LRRTM4: variants seen among roughly 807,000 people sequenced by gnomAD.
The protein encoded by LRRTM4 is leucine rich repeat transmembrane neuronal 4.
A neutral mutation model predicts 47.6 loss-of-function variants in LRRTM4; 25 were observed. That is an observed-to-expected ratio of 0.53 (90% confidence interval 0.38 to 0.73). LRRTM4 has a LOEUF of 0.73. LRRTM4 is among the 30% of genes least tolerant of loss of function. The pLI is 0.00. For synonymous variants in LRRTM4, 311 were observed against 269.5 expected, an observed-to-expected ratio of 1.15 and a Z score of -1.51; for missense variants, 638 against 713.4, an observed-to-expected ratio of 0.89 and a Z score of 1.20.
chr2:76,793,911 T>A (rs536765141), intron 3 of LRRTM4, among the ~76,000 whole-genome samples: 2 of 152,176 alleles, frequency 1.3e-5, no homozygotes, highest in African/African-American at 4.8e-5. Context: ...GGGACAGTAA[T>A]TGCTTCTATG....
At chr2:77,355,960 G>A (rs972629704) in intron 3 of LRRTM4, among the ~76,000 whole-genome samples, 1 of 152,142 alleles carries the variant, frequency 6.6e-6, no homozygotes. Context: ...GGGCATTATG[G>A]CATGTGCCTG....
intron 3 of LRRTM4, among the ~76,000 whole-genome samples, chr2:77,223,484 T>G (rs1674706596): frequency 6.6e-6 from 1 of 152,182 alleles, no homozygotes; most frequent in South Asian, 2.1e-4. Flanking sequence ...CAAAATCTCC[T>G]TAAGCTGATA....
chr2:77,433,840 A>T, intron 3 of LRRTM4, among the ~76,000 whole-genome samples: 1 of 152,216 alleles, frequency 6.6e-6, no homozygotes, highest in East Asian at 1.9e-4. Context: ...GAGCTGGGGC[A>T]TGAGAAACAT....
intron 3 of LRRTM4, among the ~76,000 whole-genome samples, chr2:76,911,264 C>G (rs912586466): frequency 2.6e-5 from 4 of 152,120 alleles, no homozygotes; most frequent in African/African-American, 9.7e-5. Flanking sequence ...TAAAAAGATG[C>G]TAACCTCATC....
At chr2:76,974,141 C>CAT (rs903329787) in intron 3 of LRRTM4, among the ~76,000 whole-genome samples, 1 of 82,380 alleles carries the variant, frequency 1.2e-5, no homozygotes, top group Non-Finnish European at 2.3e-5. Context: ...CATATATATA[C>CAT]ATATATATAC....
At chr2:77,084,216 T>C (rs72807235) in intron 3 of LRRTM4, among the ~76,000 whole-genome samples, 6,062 of 152,252 alleles carry the variant, frequency 0.04, 246 homozygotes, top group African/African-American at 0.095. Context: ...TCAAAGAAAA[T>C]TGACCTTGTC....
chr2:77,113,326 G>A (rs1391353980), intron 3 of LRRTM4, among the ~76,000 whole-genome samples: 1 of 152,128 alleles, frequency 6.6e-6, no homozygotes, highest in Non-Finnish European at 1.5e-5. Flanking sequence ...CAAAAAGTCT[G>A]TAATACCATT....
chr2:76,958,501 G>A (rs1020098647), intron 3 of LRRTM4, among the ~76,000 whole-genome samples: 7 of 151,678 alleles, frequency 4.6e-5, no homozygotes, highest in Non-Finnish European at 1.0e-4. Flanking sequence ...TGGTACAGCT[G>A]GTTTCATAGT....
intron 3 of LRRTM4, among the ~76,000 whole-genome samples, chr2:76,835,057 A>C (rs942588131): frequency 6.6e-6 from 1 of 152,132 alleles, no homozygotes; most frequent in African/African-American, 2.4e-5. Flanking sequence ...TAGCATCCGA[A>C]CATTTGAAAG....
chr2:76,885,320 T>G (rs1432735914), intron 3 of LRRTM4, among the ~76,000 whole-genome samples: 2 of 152,090 alleles, frequency 1.3e-5, no homozygotes, highest in African/African-American at 4.8e-5. Context: ...ACTGAAAGAC[T>G]GGGACCCTAT....
chr2:77,518,582 A>G lies in LRRTM4; in HGVS notation c.1287T>C (p.Ser429=). ...HVSFHKIIAG[S]VALFLSVAMI... is the part of the protein sequence containing the mutation. ...TGGCCACTGAGAGAAAGAGAGCCACACTCCCGGCAATAATTTTGTGAAATG... is the reference window on the plus strand; with the variant it reads ...TGGCCACTGAGAGAAAGAGAGCCACGCTCCCGGCAATAATTTTGTGAAATG... The change falls in exon 3 of 4, where the codon AGT becomes AGC. Residue 429 remains serine (S), a synonymous_variant. Transcript: ENST00000409884. 6.2e-7 allele frequency: 1 copy of G among 1,613,218 alleles called. No homozygotes were observed. The highest frequency in any genetic ancestry group is 1.1e-5 in the South Asian group (1 of 91,042).
chr2:77,095,882 G>A (rs1670797933), intron 3 of LRRTM4, among the ~76,000 whole-genome samples: 1 of 152,158 alleles, frequency 6.6e-6, no homozygotes, highest in South Asian at 2.1e-4. Context: ...GAAAGGGATT[G>A]ATGGAGAAAG....
At chr2:76,865,023 C>G (rs558581996) in intron 3 of LRRTM4, among the ~76,000 whole-genome samples, 1 of 151,546 alleles carries the variant, frequency 6.6e-6, no homozygotes, top group Non-Finnish European at 1.5e-5. Flanking sequence ...TAATTATATT[C>G]TTTCCATTAT....
chr2:77,350,888 G>GA (rs1671742741), intron 3 of LRRTM4, among the ~76,000 whole-genome samples: 3 of 152,040 alleles, frequency 2.0e-5, no homozygotes, highest in Admixed American at 6.6e-5. Context: ...GCATATGACT[G>GA]AAAAAAATTA....
At chr2:76,986,266 CCTTT>C (rs1490187396) in intron 3 of LRRTM4, among the ~76,000 whole-genome samples, 19 of 150,068 alleles carry the variant, frequency 1.3e-4, no homozygotes, top group African/African-American at 4.8e-4. Flanking sequence ...GCATTATTAT[CCTTT>C]CTTCTGCTAT....
At chr2:77,139,990 G>A (rs576618631) in intron 3 of LRRTM4, among the ~76,000 whole-genome samples, 6 of 152,214 alleles carry the variant, frequency 3.9e-5, no homozygotes, top group Non-Finnish European at 8.8e-5. Flanking sequence ...CCAAAAAATC[G>A]AAGAACATTC....
intron 3 of LRRTM4, among the ~76,000 whole-genome samples, chr2:77,203,075 G>T (rs1368245155): frequency 1.3e-5 from 2 of 151,792 alleles, no homozygotes; most frequent in Non-Finnish European, 2.9e-5. Flanking sequence ...GTAGCAACAG[G>T]TTCTTACAGA....
chr2:77,238,538 T>TA (rs1448910917), intron 3 of LRRTM4, among the ~76,000 whole-genome samples: 2 of 146,334 alleles, frequency 1.4e-5, no homozygotes, highest in Non-Finnish European at 2.9e-5. Flanking sequence ...CAAACCACAC[T>TA]AGCAGGCACA....
At chr2:76,887,073 T>C (rs777320797) in intron 3 of LRRTM4, among the ~76,000 whole-genome samples, 1 of 151,802 alleles carries the variant, frequency 6.6e-6, no homozygotes, top group Non-Finnish European at 1.5e-5. Context: ...TTTTTAAAAC[T>C]GTGAGGCTAA....
Sources: allele counts gnomAD v4.1 joint callset (sites outside exome capture counted in the v4.1 genomes callset), GRCh38; gene constraint gnomAD v4.1.1; transcripts MANE v1.5; gene names NCBI Gene and HGNC (gene_info 2026-07-23, HGNC 2026-07-21).